The following EXOSC9 variants were observed in gnomAD, a reference collection of about 807,000 sequenced individuals.
The protein encoded by EXOSC9 is exosome complex component RRP45.
EXOSC9 carries 38 observed loss-of-function variants against 56.5 expected under a neutral mutation model. The ratio of observed to expected loss-of-function variants is 0.67; its 90% CI spans 0.52 to 0.88. The LOEUF (loss-of-function observed/expected upper bound fraction) is 0.88. EXOSC9 is among the 40% of genes least tolerant of loss of function. EXOSC9 has a pLI of 0.00. For missense variants in EXOSC9, 559 were observed against 530.5 expected (o/e 1.05, Z -0.53); for synonymous variants, 170 against 170.8 (o/e 0.99, Z 0.04).
At chr4:121,811,756 T>G in intron 8 of EXOSC9, 85 bp downstream of exon 8, 1 of 556,764 alleles carries the variant, frequency 1.8e-6, no homozygotes, top group East Asian at 3.2e-5. Context: ...CAAGCTTTAT[T>G]ATGCATGAAC....
intron 10 of EXOSC9, chr4:121,814,253 T>C (rs567160784): frequency 1.0e-4 from 34 of 332,150 alleles, no homozygotes; most frequent in African/African-American, 6.1e-4. Context: ...TAGTTATATA[T>C]AGGGATGTAA....
chr4:121,806,085 A>G (rs13106485), intron 5 of EXOSC9, among the ~76,000 whole-genome samples: 120,013 of 152,088 alleles, frequency 0.79, 47,774 homozygotes, highest in African/African-American at 0.89. Flanking sequence ...GATTACAGGC[A>G]TGAGCCACCA....
chr4:121,806,245 C>T lies in EXOSC9; in HGVS notation c.523-1295C>T, dbSNP rs550853152. ...TCGGCTCACTGCAGCCTCCGCCTCC[C>T]GGATTCAAGCGATTCTCCTGCCTCA... is the stretch of plus-strand genomic sequence containing the variant. On this transcript the variant is annotated intron_variant, in intron 5 of 11. Coordinates refer to ENST00000243498, the MANE Select transcript of EXOSC9 (RefSeq NM_005033.3). 7.2e-5 allele frequency among the ~76,000 whole-genome samples: 11 copies of T among 152,100 alleles called. 1 individual carries two copies. In the South Asian group the frequency reaches 1.2e-3, roughly 17 times the overall value.
intron 1 of EXOSC9, 63 bp downstream of exon 1, chr4:121,801,553 G>A: frequency 6.7e-7 from 1 of 1,496,424 alleles, no homozygotes; most frequent in Non-Finnish European, 9.3e-7. Context: ...GGTGTGGACT[G>A]ATACCTGGCC....
intron 7 of EXOSC9, 37 bp from the exon 8 acceptor site, chr4:121,811,543 TTTA>T: frequency 8.2e-7 from 1 of 1,213,124 alleles, no homozygotes; most frequent in Admixed American, 2.3e-5. Context: ...AACTATTTGG[TTTA>T]TTGTCTTTAA....
Position 121,811,627 on chromosome 4 carries a change from T to C in EXOSC9, c.783T>C (p.Ile261=). 6.3e-7 allele frequency: 1 copy of C among 1,594,040 alleles called. No homozygotes were observed. The part of the protein sequence containing the change: ...SKIAGVKVAE[I]TELILKALEN... ...TCGCTGGTGTGAAAGTAGCAGAAAT[T>C]ACAGAGCTAATATTGAAAGCTTTGG... The change falls in exon 8 of 12, where the codon ATT becomes ATC. Residue 261 remains isoleucine, a synonymous_variant. Coordinates refer to ENST00000243498, the MANE Select transcript of EXOSC9 (RefSeq NM_005033.3).
chr4:121,803,488 C>T (rs1461559505), intron 4 of EXOSC9, among the ~76,000 whole-genome samples: 1 of 152,106 alleles, frequency 6.6e-6, no homozygotes. Context: ...CTTTGAAAAT[C>T]TTAGTCCCAA....
intron 1 of EXOSC9, 126 bp from the exon 2 acceptor site, chr4:121,801,701 C>T (rs915192796): frequency 2.3e-6 from 2 of 862,560 alleles, no homozygotes; most frequent in Non-Finnish European, 3.8e-6. Flanking sequence ...TTTCCACTTT[C>T]CTGTATGGGC....
intron 1 of EXOSC9, 108 bp downstream of exon 1, chr4:121,801,598 G>A: frequency 9.5e-7 from 1 of 1,048,330 alleles, no homozygotes. Context: ...GGGAACGACC[G>A]GCACGTTCAC....
chr4:121,802,721 G>A lies in EXOSC9; in HGVS notation c.209G>A (p.Arg70Gln), dbSNP rs750382350. The change falls in exon 3 of 12, where the codon CGG becomes CAG. Residue 70 changes from arginine to glutamine, a missense_variant. Coordinates refer to ENST00000243498, the MANE Select transcript of EXOSC9 (RefSeq NM_005033.3). ...GAACTTGTGTCTCCAAAACTCAATC[G>A]GGCAACAGAAGGTATTCTTTTTTTT... ...SCELVSPKLN[R>Q]ATEGILFFNL... 2.5e-6 allele frequency: 4 copies of A among 1,614,000 alleles called. No homozygotes were observed. The highest frequency in any genetic ancestry group is 2.5e-6 in the Non-Finnish European group (3 of 1,179,938).
chr4:121,812,793 A>G (rs771801153), intron 8 of EXOSC9, among the ~76,000 whole-genome samples: 2 of 152,206 alleles, frequency 1.3e-5, no homozygotes, highest in Non-Finnish European at 2.9e-5. Flanking sequence ...GCCTGGAGAC[A>G]TAAGATTTTT....
intron 5 of EXOSC9, among the ~76,000 whole-genome samples, chr4:121,807,281 A>T (rs1173458451): frequency 6.6e-6 from 1 of 152,080 alleles, no homozygotes; most frequent in Non-Finnish European, 1.5e-5. Flanking sequence ...CAAGAGTGAA[A>T]CTTCATCTCC....
chr4:121,815,937 T>C, intron 10 of EXOSC9: 1 of 1,228,544 alleles, frequency 8.1e-7, no homozygotes, highest in South Asian at 3.9e-5. Flanking sequence ...TCTAAGAAGC[T>C]GATTTAAAGA....
intron 10 of EXOSC9, 103 bp from the exon 11 acceptor site, chr4:121,816,266 T>TAA: frequency 1.4e-6 from 1 of 716,260 alleles, no homozygotes. Context: ...GCCCCAGAAA[T>TAA]AAGAGTTTAG....
intron 4 of EXOSC9, 108 bp downstream of exon 4, chr4:121,803,125 G>T (rs1192849982): frequency 3.9e-6 from 3 of 766,944 alleles, no homozygotes; most frequent in East Asian, 2.7e-5. Flanking sequence ...GTATTGTACT[G>T]GTTTGCTTCA....
In EXOSC9 at chr4:121,807,430, ACT is replaced by A. The variant is rs1727054455; in HGVS notation, c.523-108_523-107del. On this transcript the variant is annotated intron_variant, in intron 5 of 11. Transcript: ENST00000243498. ...ATTAATTAAAAGAAGTTATTTAGGTACTCAAAAGAATAAAGGAACTTCATTTT... is the reference window on the plus strand; with the variant it reads ...ATTAATTAAAAGAAGTTATTTAGGTACAAAAGAATAAAGGAACTTCATTTT... The A allele has an allele frequency of 1.3e-5, 7 of 556,086 alleles. No homozygotes were observed. The South Asian group carries it at 2.2e-4, about 18-fold the overall frequency. The allele number at this position is 556,086 out of a possible 1,614,324, so 34.4% of individuals were successfully genotyped here.
chr4:121,813,067 CTT>C (rs1724300441), intron 8 of EXOSC9, among the ~76,000 whole-genome samples, 165 bp from the exon 9 acceptor site: 1 of 152,154 alleles, frequency 6.6e-6, no homozygotes, highest in African/African-American at 2.4e-5. Flanking sequence ...ACTATTTACT[CTT>C]GTTAGGCATA....
intron 8 of EXOSC9, among the ~76,000 whole-genome samples, chr4:121,812,844 TA>T (rs1330711822): frequency 1.3e-5 from 2 of 152,064 alleles, no homozygotes; most frequent in Non-Finnish European, 2.9e-5. Context: ...AATAATCTAG[TA>T]ACTCAAATTA....
Position 121,816,847 on chromosome 4 carries a change from T to C in EXOSC9, c.1311T>C (p.Ala437=). The C allele has an allele frequency of 6.3e-7, 1 of 1,587,814 alleles. No individual in the cohort carries two copies. Among genetic ancestry groups the C allele is most frequent in the Non-Finnish European group, 8.6e-7 (1 of 1,164,606 alleles). Residue 437 remains alanine, a synonymous_variant, in exon 12 of 12, where the codon GCT becomes GCC. Coordinates refer to ENST00000243498, the MANE Select transcript of EXOSC9 (RefSeq NM_005033.3). The part of the protein sequence containing the change: ...KPVKRRKKKR[A]AN Reference sequence around the variant, plus strand: ...TGAAAAGAAGAAAAAAGAAGAGAGCTGCCAATTAAAGCTAACAGTTGTATA... The same window carrying C: ...TGAAAAGAAGAAAAAAGAAGAGAGCCGCCAATTAAAGCTAACAGTTGTATA...
Sources: allele counts gnomAD v4.1 joint callset (sites outside exome capture counted in the v4.1 genomes callset), GRCh38; gene constraint gnomAD v4.1.1; transcripts MANE v1.5; gene names NCBI Gene and HGNC (gene_info 2026-07-23, HGNC 2026-07-21).